MEGF10: variants seen among roughly 807,000 people sequenced by gnomAD.
MEGF10 encodes the protein multiple EGF like domains 10, also known as multiple epidermal growth factor-like domains protein 10.
MEGF10 carries 86 observed loss-of-function variants against 147.5 expected under a neutral mutation model. That is an observed-to-expected ratio of 0.58 (90% CI 0.49 to 0.70). MEGF10 has a LOEUF of 0.70. MEGF10 is among the 30% of genes least tolerant of loss of function. MEGF10 has a pLI of 0.00. For synonymous variants in MEGF10, 478 were observed against 525.5 expected, an observed-to-expected ratio of 0.91 and a Z score of 1.24; for missense variants, 1,329 against 1,487.3, an observed-to-expected ratio of 0.89 and a Z score of 1.75.
At chr5:127,452,843 C>G (rs931867041) in intron 22 of MEGF10, among the ~76,000 whole-genome samples, 6 of 152,206 alleles carry the variant, frequency 3.9e-5, no homozygotes, top group African/African-American at 1.4e-4. Context: ...TCACTACACA[C>G]CCATTTATGC....
At chr5:127,268,456 C>A in the MEGF10 span, among the ~76,000 whole-genome samples, 37 of 151,474 alleles carry the variant, frequency 2.4e-4, no homozygotes, top group Non-Finnish European at 2.1e-4. Context: ...GAGCTGAGTT[C>A]AATTCCTGGA....
At chr5:127,267,867 C>T in the MEGF10 span, among the ~76,000 whole-genome samples, 1 of 152,144 alleles carries the variant, frequency 6.6e-6, no homozygotes, top group South Asian at 2.1e-4. Flanking sequence ...TCTCAAAAAA[C>T]CAGCTCCTGG....
chr5:127,414,578 C>A (rs1664773321), intron 9 of MEGF10, among the ~76,000 whole-genome samples: 1 of 152,168 alleles, frequency 6.6e-6, no homozygotes, highest in Non-Finnish European at 1.5e-5. Context: ...TAGAGGAAAT[C>A]TTCCCCTTTG....
At chr5:127,247,460 A>AGAGGAAGAGGAAGAGGAG in the MEGF10 span, among the ~76,000 whole-genome samples, 1 of 140,434 alleles carries the variant, frequency 7.1e-6, no homozygotes, top group African/African-American at 2.7e-5. Flanking sequence ...AAGAAGAAGA[A>AGAGGAAGAGGAAGAGGAG]GAAGAAGAAG....
At position 127,438,444 on chromosome 5, in the gene MEGF10, C is replaced by T. The variant is rs1765635260; in HGVS notation, c.2110C>T (p.Pro704Ser). ...WIGSDCSQPC[P>S]PAHWGPNCIH... ...CTCCATACCTGTAATTTCAGCATGT[C>T]CACCTGCCCACTGGGGCCCAAACTG... The change falls in exon 17 of 25, where the codon CCA becomes TCA. Residue 704 changes from proline (P) to serine (S), a missense_variant. This residue lies in a region of MEGF10 where 980 missense variants were observed against 1,085.9 expected (regional missense o/e 0.90). Transcript: ENST00000503335. 1.9e-6 allele frequency: 3 copies of T among 1,613,782 alleles called. No homozygotes were observed. Among genetic ancestry groups the T allele is most frequent in the Non-Finnish European group, 2.5e-6 (3 of 1,179,888 alleles).
At chr5:127,415,375 G>A (rs977817992) in intron 9 of MEGF10, among the ~76,000 whole-genome samples, 1 of 151,800 alleles carries the variant, frequency 6.6e-6, no homozygotes, top group African/African-American at 2.4e-5. Context: ...TCTAAGGGTA[G>A]TGGGGAGCCT....
intron 4 of MEGF10, among the ~76,000 whole-genome samples, chr5:127,351,104 G>A (rs942742023): frequency 2.6e-5 from 4 of 152,104 alleles, no homozygotes; most frequent in Admixed American, 2.6e-4. Context: ...ATTATAGTCA[G>A]TAATAATTTA....
chr5:127,413,859 G>A (rs572934375), intron 9 of MEGF10, among the ~76,000 whole-genome samples: 6 of 152,258 alleles, frequency 3.9e-5, no homozygotes, highest in African/African-American at 1.2e-4. Flanking sequence ...TCACTGGGGG[G>A]CATTGAATAT....
In MEGF10 at chr5:127,458,170, A is replaced by T. The variant is rs1373189764; in HGVS notation, c.*852A>T. The stretch of plus-strand genomic sequence containing the variant: ...TAGAAATGAAATAATTTTATTTTTG[A>T]CAGACTGGATGGAATGAGTGTGTAA... On this transcript the variant is annotated 3_prime_UTR_variant, in exon 25 of 25. Transcript: ENST00000503335. The T allele has an allele frequency of 1.3e-5, 2 of 152,308 alleles. No individual in the cohort carries two copies. Among genetic ancestry groups the T allele is most frequent in the Admixed American group, 6.5e-5 (1 of 15,302 alleles). 9.4% of individuals were successfully genotyped at this position (152,308 alleles called of 1,614,324 possible). A position where few individuals can be genotyped will look rare whatever the true frequency, so the allele number is the denominator to read the frequency against.
chr5:127,332,576 T>C (rs1294598916), intron 2 of MEGF10, among the ~76,000 whole-genome samples: 1 of 152,170 alleles, frequency 6.6e-6, no homozygotes, highest in Non-Finnish European at 1.5e-5. Flanking sequence ...AGCAGGGTAA[T>C]TAAAACATAA....
At chr5:127,309,615 C>A (rs182836248) in intron 1 of MEGF10, among the ~76,000 whole-genome samples, 5 of 152,270 alleles carry the variant, frequency 3.3e-5, no homozygotes. Context: ...GTAGCATGTG[C>A]CAGTTTCATT....
At chr5:127,395,536 C>CTTTTTT (rs35926205) in intron 5 of MEGF10, among the ~76,000 whole-genome samples, 1 of 65,574 alleles carries the variant, frequency 1.5e-5, no homozygotes, top group Non-Finnish European at 2.7e-5. Context: ...TGACTGATAT[C>CTTTTTT]TTTTTTTTTT....
intron 1 of MEGF10, among the ~76,000 whole-genome samples, chr5:127,294,924 GA>G (rs1458303546): frequency 6.6e-6 from 1 of 151,966 alleles, no homozygotes; most frequent in African/African-American, 2.4e-5. Context: ...GTTACATGTT[GA>G]ACATTATTGC....
chr5:127,361,918 G>T (rs1476310294), intron 4 of MEGF10, among the ~76,000 whole-genome samples: 1 of 152,114 alleles, frequency 6.6e-6, no homozygotes, highest in Non-Finnish European at 1.5e-5. Context: ...TTTTAAAATT[G>T]ATTGAGATTT....
chr5:127,242,587 C>T, the MEGF10 span, among the ~76,000 whole-genome samples: 1 of 151,942 alleles, frequency 6.6e-6, no homozygotes, highest in Non-Finnish European at 1.5e-5. Flanking sequence ...TTATTGATTT[C>T]AAAAAGGGTA....
At chr5:127,281,209 C>T in the MEGF10 span, among the ~76,000 whole-genome samples, 1 of 152,178 alleles carries the variant, frequency 6.6e-6, no homozygotes, top group Non-Finnish European at 1.5e-5. Flanking sequence ...AGTCTTCCGG[C>T]CCTCTGGGTG....
intron 4 of MEGF10, among the ~76,000 whole-genome samples, chr5:127,347,371 C>A (rs961309384): frequency 6.6e-6 from 1 of 152,000 alleles, no homozygotes; most frequent in Non-Finnish European, 1.5e-5. Flanking sequence ...TTGATCCAAA[C>A]ACATTCCAAT....
At chr5:127,271,248 C>A in the MEGF10 span, among the ~76,000 whole-genome samples, 1 of 152,136 alleles carries the variant, frequency 6.6e-6, no homozygotes, top group Non-Finnish European at 1.5e-5. Context: ...TAGTAATAAC[C>A]ATTCTGACTG....
the MEGF10 span, among the ~76,000 whole-genome samples, chr5:127,237,501 A>T: frequency 1.3e-5 from 2 of 152,026 alleles, no homozygotes; most frequent in Non-Finnish European, 2.9e-5. Flanking sequence ...CCAAAAAAAT[A>T]AAAAAAAGTT....
Sources: allele counts gnomAD v4.1 joint callset (sites outside exome capture counted in the v4.1 genomes callset), GRCh38; gene constraint gnomAD v4.1.1; regional missense constraint gnomAD v4.1.1; transcripts MANE v1.5; gene names NCBI Gene and HGNC (gene_info 2026-07-23, HGNC 2026-07-21).